Variants in NINJ1 observed in about 807,000 individuals in gnomAD.
NINJ1 encodes the protein ninjurin 1.
A neutral mutation model predicts 12.7 loss-of-function variants in NINJ1; 6 were observed. The observed-to-expected ratio is 0.47, with a 90% CI of 0.26 to 0.93. The LOEUF (loss-of-function observed/expected upper bound fraction) is 0.93, where lower values mean the gene tolerates loss of function less well. NINJ1 is among the 40% of genes least tolerant of loss of function. The pLI, the probability that NINJ1 is intolerant of heterozygous loss-of-function variation, is 0.15. For missense variants in NINJ1, 170 were observed against 213.0 expected, an observed-to-expected ratio of 0.80 and a Z score of 1.26; for synonymous variants, 100 against 96.0, an observed-to-expected ratio of 1.04 and a Z score of -0.25.
Position 93,125,011 on chromosome 9 carries a change from T to C in NINJ1, c.356A>G (p.Asn119Ser). The change falls in exon 3 of 4, where the codon AAC becomes AGC. Residue 119 changes from asparagine to serine, a missense_variant. Coordinates refer to ENST00000375446, the MANE Select transcript of NINJ1 (RefSeq NM_004148.4). ...PAKHAKLDFL[N>S]NLATGLVFII... ...GAACACCAGGCCCGTGGCCAGGTTG[T>C]TGAGGAAGTCCAGCTTGGCGTGCTT... 9 of 1,613,994 alleles carry C rather than the reference T, an allele frequency of 5.6e-6. No individual in the cohort carries two copies. Among genetic ancestry groups the C allele is most frequent in the Non-Finnish European group, 7.6e-6 (9 of 1,179,908 alleles).
rs188383691 is a variant in NINJ1, at chr9:93,126,069, C to T, written c.304+341G>A. 464 of 295,076 alleles carry T rather than the reference C, an allele frequency of 1.6e-3. 2 individuals carry two copies. The highest frequency in any genetic ancestry group is 0.011 in the South Asian group (188 of 16,682). 18.3% of individuals were successfully genotyped at this position (295,076 alleles called of 1,614,324 possible). A position where few individuals can be genotyped will look rare whatever the true frequency, so the allele number is the denominator to read the frequency against. On this transcript the variant is annotated intron_variant, in intron 2 of 3. Coordinates refer to ENST00000375446, the MANE Select transcript of NINJ1 (RefSeq NM_004148.4). The stretch of plus-strand genomic sequence containing the variant: ...AAAATTAGCCGGGCATGGTGATGAG[C>T]GCCTGTAATCCCAGTTACTTTGGGG...
intron 3 of NINJ1, among the ~76,000 whole-genome samples, chr9:93,122,863 T>G (rs892069941): frequency 2.0e-5 from 3 of 152,212 alleles, no homozygotes; most frequent in Non-Finnish European, 2.9e-5. Flanking sequence ...GGCAGATAAC[T>G]CATGCTTGGG....
At chr9:93,122,725 C>T (rs745501094) in intron 3 of NINJ1, among the ~76,000 whole-genome samples, 5 of 152,182 alleles carry the variant, frequency 3.3e-5, no homozygotes, top group Non-Finnish European at 5.9e-5. Flanking sequence ...ACCCACGAAG[C>T]CTGAGACCTC....
At chr9:93,131,747 A>C (rs1432238177) in intron 1 of NINJ1, among the ~76,000 whole-genome samples, 1 of 152,196 alleles carries the variant, frequency 6.6e-6, no homozygotes, top group Non-Finnish European at 1.5e-5. Context: ...ATGAAGGGCC[A>C]CAGGGGCGCA....
intron 1 of NINJ1, among the ~76,000 whole-genome samples, chr9:93,130,253 C>T (rs544286627): frequency 5.9e-5 from 9 of 152,272 alleles, no homozygotes; most frequent in African/African-American, 9.6e-5. Flanking sequence ...TGTGGACGGT[C>T]GGCCTCCCCA....
intron 2 of NINJ1, chr9:93,126,182 G>C: frequency 1.8e-6 from 1 of 553,160 alleles, no homozygotes; most frequent in South Asian, 2.2e-5. Context: ...GGGTGACAGA[G>C]GGGGACCTTG....
chr9:93,125,221 T>C, intron 2 of NINJ1, 159 bp from the exon 3 acceptor site: 1 of 680,606 alleles, frequency 1.5e-6, no homozygotes, highest in Non-Finnish European at 2.3e-6. Context: ...CAGAGAAAAA[T>C]ACATCTGTTT....
chr9:93,125,310 T>C lies in NINJ1; in HGVS notation c.305-248A>G, dbSNP rs1827796271. On this transcript the variant is annotated intron_variant, in intron 2 of 3. Transcript: ENST00000375446. ...CCCCACCTTCTGTAGCCCCCATATT[T>C]TCCTTATACGAATTGAAGCTATGGA... 3 of 356,434 alleles carry C rather than the reference T, an allele frequency of 8.4e-6. No homozygotes were observed. The East Asian group carries it at 1.5e-4, about 18-fold the overall frequency. 22.1% of individuals were successfully genotyped at this position (356,434 alleles called of 1,614,324 possible).
At chr9:93,133,629 C>G (rs1224631524) in intron 1 of NINJ1, among the ~76,000 whole-genome samples, 1 of 152,226 alleles carries the variant, frequency 6.6e-6, no homozygotes, top group African/African-American at 2.4e-5. Flanking sequence ...GCCCCAAGTT[C>G]CCCCATCAAG....
In NINJ1 at chr9:93,121,639, C is replaced by T. The variant is rs2130744019; in HGVS notation, c.*601G>A. 1 of 152,484 alleles carries T rather than the reference C, an allele frequency of 6.6e-6. No homozygotes were observed. Among genetic ancestry groups the T allele is most frequent in the African/African-American group, 2.4e-5 (1 of 41,598 alleles). The allele number at this position is 152,484 out of a possible 1,614,324, so 9.4% of individuals were successfully genotyped here. A position where few individuals can be genotyped will look rare whatever the true frequency, so the allele number is the denominator to read the frequency against. ...AGGTCTACGGCCCTCACAGGCCTGA[C>T]TGGCTCCCTCTTGATGGCCACCAAG... On this transcript the variant is annotated 3_prime_UTR_variant, in exon 4 of 4. Coordinates refer to ENST00000375446, the MANE Select transcript of NINJ1 (RefSeq NM_004148.4).
intron 1 of NINJ1, among the ~76,000 whole-genome samples, chr9:93,132,384 C>T (rs1827907935): frequency 6.6e-6 from 1 of 152,190 alleles, no homozygotes; most frequent in South Asian, 2.1e-4. Context: ...GGCTTCCCAT[C>T]CCCCCACCTC....
intron 3 of NINJ1, among the ~76,000 whole-genome samples, chr9:93,123,788 C>T (rs1827770090): frequency 6.6e-6 from 1 of 152,210 alleles, no homozygotes; most frequent in Admixed American, 6.5e-5. Flanking sequence ...TGGTGTGTGG[C>T]CCTGGCCTGG....
intron 3 of NINJ1, 136 bp from the exon 4 acceptor site, chr9:93,122,366 A>AG (rs1478793053): frequency 7.7e-6 from 1 of 129,648 alleles, no homozygotes; most frequent in African/African-American, 3.1e-5. Flanking sequence ...AAGGAGGGAG[A>AG]GGAGAGGGTC....
chr9:93,125,132 A>G, intron 2 of NINJ1, 70 bp from the exon 3 acceptor site: 2 of 1,485,200 alleles, frequency 1.3e-6, no homozygotes, highest in Admixed American at 2.1e-5. Context: ...GGGACAGTGG[A>G]AGGGGACCCA....
chr9:93,129,691 C>T (rs1200795787), intron 1 of NINJ1, among the ~76,000 whole-genome samples: 1 of 152,196 alleles, frequency 6.6e-6, no homozygotes, highest in Non-Finnish European at 1.5e-5. Context: ...CAGATTGCAG[C>T]TCAGAGGAGG....
intron 1 of NINJ1, among the ~76,000 whole-genome samples, chr9:93,127,352 T>G (rs183689637): frequency 1.4e-4 from 21 of 152,304 alleles, no homozygotes; most frequent in Non-Finnish European, 2.2e-4. Context: ...GAATGCGAGT[T>G]CTGATGGAAT....
chr9:93,128,090 A>G (rs1479669903), intron 1 of NINJ1, among the ~76,000 whole-genome samples: 6 of 152,150 alleles, frequency 3.9e-5, no homozygotes, highest in Non-Finnish European at 4.4e-5. Flanking sequence ...AATTCCAACA[A>G]CCTGCCTTCA....
chr9:93,123,389 A>T (rs1415107113), intron 3 of NINJ1, among the ~76,000 whole-genome samples: 1 of 151,950 alleles, frequency 6.6e-6, no homozygotes, highest in East Asian at 1.9e-4. Flanking sequence ...GGTTCAAGCG[A>T]TTCTCCTGCC....
intron 1 of NINJ1, 95 bp from the exon 2 acceptor site, chr9:93,126,733 A>G: frequency 1.1e-6 from 1 of 921,054 alleles, no homozygotes; most frequent in Non-Finnish European, 1.6e-6. Flanking sequence ...CCTGCAGGTG[A>G]GGGCTTCCCT....
Sources: gnomAD v4.1 joint callset for allele counts (sites outside exome capture counted in the v4.1 genomes callset) on GRCh38, gnomAD v4.1.1 for gene constraint, MANE v1.5 for transcripts, NCBI Gene and HGNC (gene_info 2026-07-23, HGNC 2026-07-21) for gene names.